The following OAS3 variants were observed in gnomAD, a reference collection of about 807,000 sequenced individuals.
The protein encoded by OAS3 is 2'-5'-oligoadenylate synthase 3.
In OAS3, 107 loss-of-function variants were observed where a neutral mutation model predicts 113.0. That is an observed-to-expected ratio of 0.95 (90% CI 0.81 to 1.11). The LOEUF (loss-of-function observed/expected upper bound fraction) is 1.11, where lower values mean the gene tolerates loss of function less well. OAS3 is among the 50% of genes most tolerant of loss of function. The pLI is 0.00. For missense variants in OAS3, 1,258 were observed against 1,389.1 expected (o/e 0.91, Z 1.50); for synonymous variants, 552 against 573.6 (o/e 0.96, Z 0.54).
intron 14 of OAS3, among the ~76,000 whole-genome samples, chr12:112,968,991 G>A (rs2043960563): frequency 6.6e-6 from 1 of 152,212 alleles, no homozygotes; most frequent in Non-Finnish European, 1.5e-5. Flanking sequence ...TTAGAATGAT[G>A]TGTTGAAAAA....
At chr12:112,943,621 AT>A (rs1397433353) in intron 2 of OAS3, among the ~76,000 whole-genome samples, 1 of 152,196 alleles carries the variant, frequency 6.6e-6, no homozygotes, top group Non-Finnish European at 1.5e-5. Context: ...TTCCTCAGCT[AT>A]CAAGTGGGAT....
At chr12:112,945,997 T>A (rs12427406) in intron 3 of OAS3, among the ~76,000 whole-genome samples, 31,135 of 151,918 alleles carry the variant, frequency 0.2, 3,432 homozygotes, top group Admixed American at 0.29. Flanking sequence ...GTCTATAAAT[T>A]AATTAATTAA....
At position 112,963,031 on chromosome 12, in the gene OAS3, C is replaced by T. The variant is rs2043902845; in HGVS notation, c.2084+129C>T. ...CAATCCCACTCCTCACTCTGCTTCCCTCTGGACTCTTTGCTGAGGAAGTGT... is the reference window on the plus strand; with the variant it reads ...CAATCCCACTCCTCACTCTGCTTCCTTCTGGACTCTTTGCTGAGGAAGTGT... On this transcript the variant is annotated intron_variant, in intron 9 of 15. Transcript: ENST00000228928. This position sits in a 1 kb window ranked among gnomAD's most constrained non-coding sequence, Gnocchi z 4.6. 4.5e-6 allele frequency: 6 copies of T among 1,346,466 alleles called. No individual in the cohort carries two copies. Among genetic ancestry groups the T allele is most frequent in the Non-Finnish European group, 4.1e-6 (4 of 972,182 alleles). 83.4% of individuals were successfully genotyped at this position (1,346,466 alleles called of 1,614,324 possible).
Position 112,970,142 on chromosome 12 carries a change from G to A in OAS3, c.*169G>A, listed in dbSNP as rs1040293293. 25 of 752,444 alleles carry A rather than the reference G, an allele frequency of 3.3e-5. No individual in the cohort carries two copies. Among genetic ancestry groups the A allele is most frequent in the Middle Eastern group, 3.0e-4 (1 of 3,298 alleles). 46.6% of individuals were successfully genotyped at this position (752,444 alleles called of 1,614,324 possible). A position where few individuals can be genotyped will look rare whatever the true frequency, so the allele number is the denominator to read the frequency against. On this transcript the variant is annotated 3_prime_UTR_variant, in exon 16 of 16. Transcript: ENST00000228928. ...TGCATGTGTGTGTTTTAGTGAATCT[G>A]CTCTCCCAGCTCACACACTCCCCTG...
rs2043818048 is a variant in OAS3, at chr12:112,954,579, AGCCACTGCGCCTG to A, written c.1657+3608_1657+3620del. Among the ~76,000 whole-genome samples the A allele has an allele frequency of 6.6e-6, 1 of 152,180 alleles. No individual in the cohort carries two copies. Among genetic ancestry groups the A allele is most frequent in the Non-Finnish European group, 1.5e-5 (1 of 68,044 alleles). ...CCAAAGTGCTGGGATTACAGGCGTGAGCCACTGCGCCTGGCCCCATTTCTTGTTTTTGTCAGGT... is the reference window on the plus strand; with the variant it reads ...CCAAAGTGCTGGGATTACAGGCGTGAGCCCCATTTCTTGTTTTTGTCAGGT... On this transcript the variant is annotated intron_variant, in intron 7 of 15. Coordinates refer to ENST00000228928, the MANE Select transcript of OAS3 (RefSeq NM_006187.4). The surrounding 1 kb of genome is among the most constrained non-coding windows in gnomAD (Gnocchi z 4.0).
chr12:112,953,029 G>A (rs2043805383), intron 7 of OAS3, among the ~76,000 whole-genome samples: 1 of 151,860 alleles, frequency 6.6e-6, no homozygotes, highest in Non-Finnish European at 1.5e-5. Context: ...GGGTACATGT[G>A]CACAACATGC....
At chr12:112,944,061 G>A (rs1244882821) in intron 2 of OAS3, among the ~76,000 whole-genome samples, 8 of 152,146 alleles carry the variant, frequency 5.3e-5, no homozygotes, top group Non-Finnish European at 7.3e-5. Context: ...CTTGGGCATC[G>A]TTTTCCTCTC....
At chr12:112,959,458 G>A (rs992916194) in intron 7 of OAS3, among the ~76,000 whole-genome samples, 9 of 152,132 alleles carry the variant, frequency 5.9e-5, no homozygotes, top group East Asian at 1.9e-4. Context: ...GACTGGAGCT[G>A]TTCCTATTCA....
At chr12:112,957,582 C>T (rs1239765116) in intron 7 of OAS3, among the ~76,000 whole-genome samples, 1 of 152,180 alleles carries the variant, frequency 6.6e-6, no homozygotes, top group Non-Finnish European at 1.5e-5. Flanking sequence ...TTGTATTTCT[C>T]CTTCACTTAT....
intron 5 of OAS3, 80 bp from the exon 6 acceptor site, chr12:112,948,781 G>C (rs2043757865): frequency 8.9e-7 from 1 of 1,119,806 alleles, no homozygotes. Flanking sequence ...TACAAAGGGC[G>C]GGAGCTGGGG....
chr12:112,947,917 A>T (rs1164475483), intron 4 of OAS3, 29 bp from the exon 5 acceptor site: 1 of 1,552,170 alleles, frequency 6.4e-7, no homozygotes, highest in East Asian at 2.5e-5. Context: ...CTTGCTAACC[A>T]GAACCTTCTT....
chr12:112,945,612 A>G (rs2043721185), intron 3 of OAS3, among the ~76,000 whole-genome samples: 1 of 152,130 alleles, frequency 6.6e-6, no homozygotes, highest in Non-Finnish European at 1.5e-5. Flanking sequence ...CAGCACATGG[A>G]CCAGTCATCA....
At chr12:112,951,886 C>T (rs891804595) in intron 7 of OAS3, among the ~76,000 whole-genome samples, 2 of 150,868 alleles carry the variant, frequency 1.3e-5, no homozygotes, top group African/African-American at 2.4e-5. Flanking sequence ...GTGGCACGCA[C>T]CTGTAATCCC....
At chr12:112,942,765 CTATTAT>C (rs1027913235) in intron 2 of OAS3, among the ~76,000 whole-genome samples, 2 of 149,316 alleles carry the variant, frequency 1.3e-5, no homozygotes, top group African/African-American at 4.9e-5. Flanking sequence ...AGAGTGTTTA[CTATTAT>C]TATTATTTCT....
At chr12:112,965,601 T>C in intron 11 of OAS3, 143 bp from the exon 12 acceptor site, 1 of 742,054 alleles carries the variant, frequency 1.3e-6, no homozygotes, top group Non-Finnish European at 2.1e-6. Flanking sequence ...TTAAATACAG[T>C]CTTTCTTACC....
chr12:112,952,683 G>GT (rs1285186615), intron 7 of OAS3, among the ~76,000 whole-genome samples: 1 of 152,058 alleles, frequency 6.6e-6, no homozygotes, highest in Admixed American at 6.6e-5. Context: ...TTCAGAAAGG[G>GT]TTTATGAGTG....
Position 112,938,530 on chromosome 12 carries a change from C to T in OAS3, c.-1C>T, listed in dbSNP as rs747483117. The T allele has an allele frequency of 4.8e-5, 76 of 1,577,772 alleles. No homozygotes were observed. Among genetic ancestry groups the T allele is most frequent in the Non-Finnish European group, 4.6e-5 (54 of 1,164,316 alleles). On this transcript the variant is annotated 5_prime_UTR_variant, in exon 1 of 16. Transcript: ENST00000228928. ...TCCCCTTGCACCTGCGCCGGGCGGC[C>T]ATGGACTTGTACAGCACCCCGGCCG...
Position 112,950,827 on chromosome 12 carries a change from G to T in OAS3, c.1509G>T (p.Gln503His), listed in dbSNP as rs2043784898. ...AGATCCTTGATGAGATGCGAGCGCA[G>T]CTAGAATCCTGGTGGCAGGACCAGG... ...RAEILDEMRA[Q>H]LESWWQDQVP... is the part of the protein sequence containing the mutation. The change falls in exon 7 of 16, where the codon CAG (glutamine) becomes CAT (histidine). Residue 503 changes from glutamine (Q) to histidine (H), a missense_variant. By Grantham distance (24) the Gln-to-His change is conservative. Coordinates refer to ENST00000228928, the MANE Select transcript of OAS3 (RefSeq NM_006187.4). 6.2e-7 allele frequency: 1 copy of T among 1,614,034 alleles called. No individual in the cohort carries two copies.
chr12:112,944,819 T>C (rs1311348294), intron 3 of OAS3, 168 bp downstream of exon 3: 1 of 707,300 alleles, frequency 1.4e-6, no homozygotes, highest in African/African-American at 1.8e-5. Context: ...GTCTTGTTAC[T>C]GATTTGTTGA....
Sources: allele counts gnomAD v4.1 joint callset (sites outside exome capture counted in the v4.1 genomes callset), GRCh38; gene constraint gnomAD v4.1.1; non-coding constraint Gnocchi (gnomAD v3.1); transcripts MANE v1.5; gene names NCBI Gene and HGNC (gene_info 2026-07-23, HGNC 2026-07-21).